The following EML6 variants were observed in gnomAD, a reference collection of about 807,000 sequenced individuals.
EML6 encodes the protein echinoderm microtubule-associated protein-like 6.
A neutral mutation model predicts 240.1 loss-of-function variants in EML6; 154 were observed. The observed-to-expected ratio is 0.64, with a 90% CI of 0.56 to 0.73. The LOEUF (loss-of-function observed/expected upper bound fraction) is 0.73. EML6 is among the 30% of genes least tolerant of loss of function. EML6 has a pLI of 0.00. For missense variants in EML6, 2,964 were observed against 2,474.6 expected, an observed-to-expected ratio of 1.20 and a Z score of -4.20; for synonymous variants, 1,148 against 899.0, an observed-to-expected ratio of 1.28 and a Z score of -4.95.
rs1183888622 is a variant in EML6 at position 54,827,750 on chromosome 2, G to A, written c.710G>A (p.Ser237Asn). The part of the protein sequence containing the change: ...NLVRTIQGAH[S>N]AGIFSMYACE... ...GTCCGCACCATTCAAGGAGCACATAGTGTAAGTATTACCTTGTGGAAATCT... is the reference window on the plus strand; with the variant it reads ...GTCCGCACCATTCAAGGAGCACATAATGTAAGTATTACCTTGTGGAAATCT... Residue 237 changes from serine to asparagine, a missense_variant and splice_region_variant, in exon 6 of 42, where the codon AGT becomes AAT. Coordinates refer to ENST00000356458, the MANE Select transcript of EML6 (RefSeq NM_001039753.4). 6.5e-6 allele frequency: 10 copies of A among 1,550,010 alleles called. No homozygotes were observed. The highest frequency in any genetic ancestry group is 2.7e-5 in the African/African-American group (2 of 73,014).
At position 54,770,662 on chromosome 2, in the gene EML6, G is replaced by C. The variant is rs1003194446; in HGVS notation, c.198-42570G>C. ...CCACCATTCCACAAAATCAGCTTTTGTTTATGCCATTTATGACCTCCATGT... is the reference window on the plus strand; with the variant it reads ...CCACCATTCCACAAAATCAGCTTTTCTTTATGCCATTTATGACCTCCATGT... On this transcript the variant is annotated intron_variant, in intron 2 of 41. Coordinates refer to ENST00000356458, the MANE Select transcript of EML6 (RefSeq NM_001039753.4). Among the ~76,000 whole-genome samples the C allele has an allele frequency of 1.2e-4, 19 of 152,102 alleles. 1 individual carries two copies. Among genetic ancestry groups the C allele is most frequent in the Admixed American group, 1.2e-3 (19 of 15,266 alleles).
intron 7 of EML6, among the ~76,000 whole-genome samples, chr2:54,832,626 C>A (rs1383884745): frequency 6.6e-6 from 1 of 152,192 alleles, no homozygotes; most frequent in Non-Finnish European, 1.5e-5. Context: ...ATACCATACC[C>A]TTGGTTGTTT....
intron 10 of EML6, among the ~76,000 whole-genome samples, chr2:54,851,086 G>T (rs148139097): frequency 6.6e-6 from 1 of 152,138 alleles, no homozygotes; most frequent in Non-Finnish European, 1.5e-5. Context: ...GTTGGTTACC[G>T]CTGAGAAGCA....
chr2:54,896,192 A>G (rs1672754712), intron 21 of EML6, among the ~76,000 whole-genome samples: 1 of 152,210 alleles, frequency 6.6e-6, no homozygotes, highest in Admixed American at 6.5e-5. Flanking sequence ...CTCAAAGTCC[A>G]GAATCTCATT....
At position 54,966,993 on chromosome 2, in the gene EML6, C is replaced by A. The variant is rs750131304; in HGVS notation, c.5494-7C>A. ...GTTGATGAACATGGCTTCCCTTCTA[C>A]CTACAGGTGTCAACAGGTGCCTATA... On this transcript the variant is annotated splice_polypyrimidine_tract_variant and splice_region_variant and intron_variant, in intron 38 of 41. Transcript: ENST00000356458. 7.1e-6 allele frequency: 11 copies of A among 1,539,790 alleles called. No homozygotes were observed. Among genetic ancestry groups the A allele is most frequent in the African/African-American group, 1.4e-5 (1 of 72,788 alleles).
At chr2:54,797,782 C>T (rs1669901065) in intron 2 of EML6, among the ~76,000 whole-genome samples, 2 of 152,146 alleles carry the variant, frequency 1.3e-5, no homozygotes, top group Non-Finnish European at 2.9e-5. Context: ...CCTGTCTCTA[C>T]CACTTATCAG....
intron 2 of EML6, chr2:54,747,397 A>G (rs1452961300): frequency 6.6e-6 from 1 of 152,202 alleles, no homozygotes; most frequent in Admixed American, 6.5e-5. Flanking sequence ...ATAATAAGGT[A>G]AAAGGTCTGC....
At chr2:54,923,132 G>A (rs1326775142) in intron 26 of EML6, among the ~76,000 whole-genome samples, 2 of 151,508 alleles carry the variant, frequency 1.3e-5, no homozygotes, top group African/African-American at 4.9e-5. Flanking sequence ...GTAGAGATGG[G>A]GTTTCTCCAT....
intron 22 of EML6, among the ~76,000 whole-genome samples, chr2:54,901,489 T>C (rs941091708): frequency 6.6e-6 from 1 of 152,222 alleles, no homozygotes; most frequent in Non-Finnish European, 1.5e-5. Flanking sequence ...CTTTATTCTC[T>C]AAGTTAAAAA....
At chr2:54,940,919 A>C (rs1260159954) in intron 28 of EML6, among the ~76,000 whole-genome samples, 1 of 152,236 alleles carries the variant, frequency 6.6e-6, no homozygotes, top group Non-Finnish European at 1.5e-5. Flanking sequence ...TGCCTATTGT[A>C]CACACCAAGG....
At chr2:54,793,781 G>A (rs1317287953) in intron 2 of EML6, among the ~76,000 whole-genome samples, 2 of 152,090 alleles carry the variant, frequency 1.3e-5, no homozygotes, top group Non-Finnish European at 2.9e-5. Context: ...GGGCAGCAGT[G>A]GCAGAACTTC....
chr2:54,934,761 C>T (rs1675048703), intron 28 of EML6, among the ~76,000 whole-genome samples: 1 of 152,070 alleles, frequency 6.6e-6, no homozygotes, highest in Admixed American at 6.6e-5. Flanking sequence ...CTGTGTTTCC[C>T]AGGGTGTTCT....
rs906944257 is a variant in EML6 at position 54,724,380 on chromosome 2, A to C, written c.-513-169A>C. ...CAGCAACTGCCAGGCAGCAGCATTT[A>C]CGCATATTTCATATCATTAAGGAGA... On this transcript the variant is annotated intron_variant, in intron 1 of 41. Transcript: ENST00000356458. The surrounding 1 kb of genome is among the most constrained non-coding windows in gnomAD (Gnocchi z 5.2). 6.6e-6 allele frequency among the ~76,000 whole-genome samples: 1 copy of C among 152,210 alleles called. No individual in the cohort carries two copies. The highest frequency in any genetic ancestry group is 1.5e-5 in the Non-Finnish European group (1 of 68,036).
At chr2:54,906,874 G>C (rs1673353193) in intron 24 of EML6, among the ~76,000 whole-genome samples, 3 of 152,168 alleles carry the variant, frequency 2.0e-5, no homozygotes, top group South Asian at 2.1e-4. Context: ...CCAGAGTCTG[G>C]CAAGGTTGAG....
intron 24 of EML6, among the ~76,000 whole-genome samples, chr2:54,910,678 C>G (rs1168064125): frequency 7.6e-6 from 1 of 132,366 alleles, no homozygotes; most frequent in Non-Finnish European, 1.6e-5. Flanking sequence ...TTCAGTGCAG[C>G]ATATCAATAA....
intron 11 of EML6, among the ~76,000 whole-genome samples, chr2:54,859,179 C>T (rs1260211011): frequency 6.6e-6 from 1 of 152,082 alleles, no homozygotes; most frequent in Non-Finnish European, 1.5e-5. Context: ...TTTCTGTTTC[C>T]CTGTTAAACA....
intron 8 of EML6, among the ~76,000 whole-genome samples, chr2:54,844,802 A>G: frequency 6.6e-6 from 1 of 152,234 alleles, no homozygotes; most frequent in East Asian, 1.9e-4. Context: ...GCTGTGGATC[A>G]TTTTTATTCT....
chr2:54,915,203 C>T (rs151044294), intron 25 of EML6, among the ~76,000 whole-genome samples: 2 of 152,210 alleles, frequency 1.3e-5, no homozygotes, highest in Non-Finnish European at 2.9e-5. Context: ...GCAAGTTCGA[C>T]ATTTGCTTCC....
chr2:54,734,465 TTAAG>T (rs945906700), intron 2 of EML6, among the ~76,000 whole-genome samples: 6 of 152,204 alleles, frequency 3.9e-5, no homozygotes, highest in South Asian at 2.1e-4. Flanking sequence ...CAGTTGGGCA[TTAAG>T]TGTTTGCCCA....
Sources: allele counts gnomAD v4.1 joint callset (sites outside exome capture counted in the v4.1 genomes callset), GRCh38; gene constraint gnomAD v4.1.1; non-coding constraint Gnocchi (gnomAD v3.1); transcripts MANE v1.5; gene names NCBI Gene and HGNC (gene_info 2026-07-23, HGNC 2026-07-21).